The following BTBD10 variants were observed in gnomAD, a reference collection of about 807,000 sequenced individuals.
BTBD10 encodes the protein BTB/POZ domain-containing protein 10.
Under a neutral mutation model 53.2 loss-of-function variants are expected in BTBD10, and 21 were observed. The observed-to-expected ratio is 0.39, with a 90% confidence interval of 0.28 to 0.57. The LOEUF is 0.57. BTBD10 is among the 20% of genes least tolerant of loss of function. The pLI, the probability that BTBD10 is intolerant of heterozygous loss-of-function variation, is 0.53. For synonymous variants in BTBD10, 149 were observed against 192.7 expected, an observed-to-expected ratio of 0.77 and a Z score of 1.88; for missense variants, 360 against 594.7, an observed-to-expected ratio of 0.61 and a Z score of 4.10.
intron 7 of BTBD10, among the ~76,000 whole-genome samples, chr11:13,403,721 T>A (rs901148275): frequency 6.6e-6 from 1 of 152,166 alleles, no homozygotes; most frequent in African/African-American, 2.4e-5. Flanking sequence ...CAGATACATT[T>A]TACATTTCAT....
At chr11:13,442,774 T>C (rs1468466711) in intron 2 of BTBD10, among the ~76,000 whole-genome samples, 6 of 152,216 alleles carry the variant, frequency 3.9e-5, no homozygotes, top group Non-Finnish European at 8.8e-5. Context: ...AGGCAAGTTC[T>C]CATTAATACT....
intron 8 of BTBD10, 50 bp from the exon 9 acceptor site, chr11:13,389,191 C>A: frequency 6.6e-7 from 1 of 1,508,838 alleles, no homozygotes; most frequent in South Asian, 1.3e-5. Flanking sequence ...ACAGACCTCT[C>A]ACCCAATTTC....
intron 1 of BTBD10, among the ~76,000 whole-genome samples, chr11:13,456,670 T>C (rs901701004): frequency 6.6e-6 from 1 of 152,144 alleles, no homozygotes; most frequent in Non-Finnish European, 1.5e-5. Context: ...AAAGACAATT[T>C]CTCTTCTCCA....
At chr11:13,446,138 C>A (rs1196540998) in intron 1 of BTBD10, among the ~76,000 whole-genome samples, 1 of 152,046 alleles carries the variant, frequency 6.6e-6, no homozygotes, top group Non-Finnish European at 1.5e-5. Flanking sequence ...AAAAGAGAAA[C>A]CAAATGAAGT....
intron 5 of BTBD10, among the ~76,000 whole-genome samples, chr11:13,415,102 C>CA (rs1565242716): frequency 2.0e-5 from 3 of 146,924 alleles, no homozygotes; most frequent in African/African-American, 7.5e-5. Flanking sequence ...AACTATCAAT[C>CA]AAACCTTTTT....
At chr11:13,443,325 T>C (rs76070783) in intron 2 of BTBD10, among the ~76,000 whole-genome samples, 7,937 of 152,098 alleles carry the variant, frequency 0.052, 240 homozygotes, top group Non-Finnish European at 0.065. Context: ...TGAGTATTTG[T>C]TACTGACAAT....
chr11:13,427,976 T>C (rs1296657837), intron 2 of BTBD10, among the ~76,000 whole-genome samples: 2 of 149,560 alleles, frequency 1.3e-5, no homozygotes, highest in Non-Finnish European at 3.0e-5. Flanking sequence ...TGGTATGACA[T>C]TGTAACAGTA....
At chr11:13,450,707 G>C (rs10832038) in intron 1 of BTBD10, among the ~76,000 whole-genome samples, 71,305 of 151,938 alleles carry the variant, frequency 0.47, 17,729 homozygotes, top group South Asian at 0.62. Flanking sequence ...AATAATGTAG[G>C]ACAAAGAACA....
chr11:13,445,121 C>T lies in BTBD10; in HGVS notation c.4G>A (p.Ala2Thr), dbSNP rs1336860905. 2 of 1,611,602 alleles carry T rather than the reference C, an allele frequency of 1.2e-6. No individual in the cohort carries two copies. The highest frequency in any genetic ancestry group is 1.7e-6 in the Non-Finnish European group (2 of 1,178,102). ...CCATCATAGGGATGAGGCCGTCCTGCCATCCCACTCCAAGCTTCCTCACAC... is the reference window on the plus strand; with the variant it reads ...CCATCATAGGGATGAGGCCGTCCTGTCATCCCACTCCAAGCTTCCTCACAC... MAGRPHPYDGNS... is the reference protein window; with the variant it reads MTGRPHPYDGNS... The change falls in exon 2 of 9, where the codon GCA (alanine) becomes ACA (threonine). Residue 2 changes from alanine to threonine, a missense_variant. Ala to Thr is a moderately conservative substitution (Grantham distance 58). Coordinates refer to ENST00000278174, the MANE Select transcript of BTBD10 (RefSeq NM_032320.7).
At chr11:13,395,468 A>C (rs970041791) in intron 8 of BTBD10, among the ~76,000 whole-genome samples, 80 of 151,670 alleles carry the variant, frequency 5.3e-4, no homozygotes, top group African/African-American at 1.8e-3. Flanking sequence ...GGTTGCAAAA[A>C]TTTTCTCCCA....
At chr11:13,456,261 A>T (rs926307115) in intron 1 of BTBD10, among the ~76,000 whole-genome samples, 3 of 152,224 alleles carry the variant, frequency 2.0e-5, no homozygotes, top group Non-Finnish European at 4.4e-5. Context: ...AGAGAATTAA[A>T]GGCCCAGAAA....
At chr11:13,442,090 T>C (rs1950664158) in intron 2 of BTBD10, among the ~76,000 whole-genome samples, 1 of 152,128 alleles carries the variant, frequency 6.6e-6, no homozygotes, top group Non-Finnish European at 1.5e-5. Flanking sequence ...GACCCTAACA[T>C]CCTTAAGCCA....
intron 1 of BTBD10, among the ~76,000 whole-genome samples, chr11:13,450,681 G>A (rs1456685797): frequency 2.6e-5 from 4 of 152,160 alleles, no homozygotes; most frequent in African/African-American, 9.7e-5. Flanking sequence ...TTGAGGGATT[G>A]CAAACTATCA....
At chr11:13,404,805 C>G in intron 7 of BTBD10, 1 of 174,238 alleles carries the variant, frequency 5.7e-6, no homozygotes, top group Non-Finnish European at 1.1e-5. Context: ...TTTCAAAAAT[C>G]TCCTTCGGAA....
intron 1 of BTBD10, among the ~76,000 whole-genome samples, chr11:13,447,235 G>C (rs1478117875): frequency 2.0e-5 from 3 of 152,046 alleles, no homozygotes; most frequent in East Asian, 1.9e-4. Flanking sequence ...CAAAGTGGTA[G>C]GATTACAGGC....
chr11:13,421,645 C>T lies in BTBD10; in HGVS notation c.295G>A (p.Val99Ile). 2 of 1,611,762 alleles carry T rather than the reference C, an allele frequency of 1.2e-6. No individual in the cohort carries two copies. Among genetic ancestry groups the T allele is most frequent in the South Asian group, 1.1e-5 (1 of 90,858 alleles). ...NVTSPTRQHH[V>I]EREKDHSSSR... ...AAGGTTAGTTGATTTTACATACCAA[C>T]ATGGTGCTGTCGTGTTGGAGAAGTC... Residue 99 changes from valine to isoleucine, a missense_variant, in exon 3 of 9, where the codon GTT becomes ATT. Val to Ile is a conservative substitution (Grantham distance 29, BLOSUM62 3). Around this residue, in one of 6 missense-constraint regions of BTBD10, gnomAD observed 109 missense variants for 118.6 expected, o/e 0.92. Coordinates refer to ENST00000278174, the MANE Select transcript of BTBD10 (RefSeq NM_032320.7).
In BTBD10 at chr11:13,445,143, A is replaced by G; in HGVS notation, c.-19T>C. ...CTGCCATCCCACTCCAAGCTTCCTC[A>G]CACTACTGCTCTGAAAGCACACATG... On this transcript the variant is annotated 5_prime_UTR_variant, in exon 2 of 9. It removes the in-frame stop codon of an upstream open reading frame in the 5' UTR. Transcript: ENST00000278174. The G allele has an allele frequency of 6.3e-7, 1 of 1,582,866 alleles. No homozygotes were observed. The highest frequency in any genetic ancestry group is 8.7e-7 in the Non-Finnish European group (1 of 1,151,954).
At chr11:13,407,236 C>T (rs1055701832) in intron 6 of BTBD10, among the ~76,000 whole-genome samples, 10 of 152,164 alleles carry the variant, frequency 6.6e-5, no homozygotes, top group South Asian at 4.1e-4. Context: ...ACTGGTATTT[C>T]TCAGGACAAT....
At chr11:13,416,149 C>T (rs1950103782) in intron 5 of BTBD10, among the ~76,000 whole-genome samples, 1 of 151,626 alleles carries the variant, frequency 6.6e-6, no homozygotes, top group African/African-American at 2.4e-5. Flanking sequence ...CTCAGGAGTT[C>T]AAGATCAGCC....
Sources: gnomAD v4.1 joint callset for allele counts (sites outside exome capture counted in the v4.1 genomes callset) on GRCh38, gnomAD v4.1.1 for gene constraint, gnomAD v4.1.1 regional missense constraint, MANE v1.5 for transcripts, NCBI Gene and HGNC (gene_info 2026-07-23, HGNC 2026-07-21) for gene names.